ARHGAP15: variants seen among roughly 807,000 people sequenced by gnomAD.
The protein encoded by ARHGAP15 is rho GTPase-activating protein 15.
A neutral mutation model predicts 63.7 loss-of-function variants in ARHGAP15; 51 were observed. The observed-to-expected ratio is 0.80, with a 90% CI of 0.64 to 1.01. The LOEUF is 1.01. ARHGAP15 is among the 50% of genes least tolerant of loss of function. The pLI is 0.00. For synonymous variants in ARHGAP15, 191 were observed against 193.8 expected, an observed-to-expected ratio of 0.99 and a Z score of 0.12; for missense variants, 560 against 564.6, an observed-to-expected ratio of 0.99 and a Z score of 0.08.
At chr2:143,145,778 A>T (rs1306140213) in intron 1 of ARHGAP15, among the ~76,000 whole-genome samples, 1 of 151,710 alleles carries the variant, frequency 6.6e-6, no homozygotes, top group African/African-American at 2.4e-5. Context: ...TTCAGATGAA[A>T]AGCCAGTTCC....
intron 8 of ARHGAP15, among the ~76,000 whole-genome samples, chr2:143,442,126 T>G (rs909520150): frequency 6.6e-6 from 1 of 152,190 alleles, no homozygotes; most frequent in Non-Finnish European, 1.5e-5. Context: ...TGCCAAGTGA[T>G]GAAAACAAGT....
intron 6 of ARHGAP15, among the ~76,000 whole-genome samples, chr2:143,268,393 C>T (rs1681102821): frequency 1.3e-5 from 2 of 152,052 alleles, no homozygotes; most frequent in South Asian, 4.2e-4. Flanking sequence ...TTCTGTCAAA[C>T]AATTAAACTG....
chr2:143,338,139 T>C (rs1684890682), intron 6 of ARHGAP15, among the ~76,000 whole-genome samples: 1 of 152,190 alleles, frequency 6.6e-6, no homozygotes, highest in African/African-American at 2.4e-5. Context: ...TTATTATTCT[T>C]TGAGAGCCTT....
intron 9 of ARHGAP15, among the ~76,000 whole-genome samples, chr2:143,491,255 T>C (rs547919983): frequency 6.6e-5 from 10 of 152,330 alleles, no homozygotes; most frequent in Admixed American, 6.5e-4. Context: ...TTTATAAATC[T>C]CCTTGGCCTG....
intron 6 of ARHGAP15, among the ~76,000 whole-genome samples, chr2:143,335,997 AT>A (rs1443993615): frequency 2.0e-5 from 3 of 150,728 alleles, no homozygotes; most frequent in Non-Finnish European, 4.4e-5. Flanking sequence ...TATTATTATT[AT>A]TTTGTAGTTT....
intron 13 of ARHGAP15, among the ~76,000 whole-genome samples, chr2:143,734,185 C>T (rs1371503160): frequency 1.3e-5 from 2 of 152,156 alleles, no homozygotes; most frequent in Non-Finnish European, 2.9e-5. Flanking sequence ...CCAGGGGCAG[C>T]AGCAAAGGGT....
chr2:143,197,599 A>C (rs1691932699), intron 2 of ARHGAP15, among the ~76,000 whole-genome samples: 1 of 152,016 alleles, frequency 6.6e-6, no homozygotes, highest in African/African-American at 2.4e-5. Context: ...TGGATCCAGA[A>C]TTTCCTAAGT....
chr2:143,598,652 T>C (rs1216284653), intron 11 of ARHGAP15, among the ~76,000 whole-genome samples: 1 of 152,114 alleles, frequency 6.6e-6, no homozygotes, highest in Non-Finnish European at 1.5e-5. Context: ...ACACCTGTAA[T>C]AGCAGCATTT....
chr2:143,143,445 T>C (rs1689452486), intron 1 of ARHGAP15, among the ~76,000 whole-genome samples: 1 of 152,004 alleles, frequency 6.6e-6, no homozygotes. Context: ...CTGGCAAATA[T>C]TTTTTCACTA....
rs574754837 is a variant in ARHGAP15 at position 143,294,842 on chromosome 2, A to G, written c.474+44242A>G. On this transcript the variant is annotated intron_variant, in intron 6 of 13. Coordinates refer to ENST00000295095, the MANE Select transcript of ARHGAP15 (RefSeq NM_018460.4). ...CCAGCCAGTGGGACTCTTTCTGCAAACAGGTGACCTCTACTTGGAGAGAAA... is the reference window on the plus strand; with the variant it reads ...CCAGCCAGTGGGACTCTTTCTGCAAGCAGGTGACCTCTACTTGGAGAGAAA... Among the ~76,000 whole-genome samples the G allele has an allele frequency of 1.3e-3, 192 of 152,194 alleles. 1 individual carries two copies. Among genetic ancestry groups the G allele is most frequent in the Non-Finnish European group, 1.8e-3 (119 of 67,972 alleles).
Position 143,338,588 on chromosome 2 carries a change from A to G in ARHGAP15, c.474+87988A>G, listed in dbSNP as rs909337369. Among the ~76,000 whole-genome samples, 12 of 152,308 alleles carry G rather than the reference A, an allele frequency of 7.9e-5. 1 individual carries two copies. The South Asian group carries it at 2.5e-3, about 32-fold the overall frequency. On this transcript the variant is annotated intron_variant, in intron 6 of 13. Coordinates refer to ENST00000295095, the MANE Select transcript of ARHGAP15 (RefSeq NM_018460.4). The stretch of plus-strand genomic sequence containing the variant: ...GAAGGCATTGTACAGCTAATTTAGT[A>G]TCAAATTGTTAAATAATAAGAGTAG...
chr2:143,766,189 C>T (rs1686941107), intron 13 of ARHGAP15, among the ~76,000 whole-genome samples: 1 of 152,100 alleles, frequency 6.6e-6, no homozygotes, highest in African/African-American at 2.4e-5. Flanking sequence ...TTTCACTTTC[C>T]ACGGTTTCAG....
chr2:143,237,533 A>G (rs1693702733), intron 5 of ARHGAP15: 1 of 152,226 alleles, frequency 6.6e-6, no homozygotes, highest in East Asian at 1.9e-4. Flanking sequence ...GTGTGTCACC[A>G]TCTCAGTGAG....
At chr2:143,267,667 ACAT>A (rs997132111) in intron 6 of ARHGAP15, among the ~76,000 whole-genome samples, 3 of 152,188 alleles carry the variant, frequency 2.0e-5, no homozygotes, top group Admixed American at 6.5e-5. Context: ...TGTATGTTAT[ACAT>A]CATCAAATGA....
At chr2:143,234,493 C>A (rs1376626603) in intron 5 of ARHGAP15, among the ~76,000 whole-genome samples, 1 of 152,168 alleles carries the variant, frequency 6.6e-6, no homozygotes, top group Non-Finnish European at 1.5e-5. Flanking sequence ...AGGTTTGGGA[C>A]ATTCCCAGAG....
intron 11 of ARHGAP15, among the ~76,000 whole-genome samples, chr2:143,582,715 A>G (rs1696959042): frequency 6.6e-6 from 1 of 152,230 alleles, no homozygotes; most frequent in Non-Finnish European, 1.5e-5. Context: ...AAGCATTTCT[A>G]GATGAATTGT....
At chr2:143,382,347 C>T (rs1687095223) in intron 6 of ARHGAP15, among the ~76,000 whole-genome samples, 1 of 152,108 alleles carries the variant, frequency 6.6e-6, no homozygotes, top group Non-Finnish European at 1.5e-5. Context: ...TCATGCCTTG[C>T]CTCTCTGGTT....
intron 13 of ARHGAP15, among the ~76,000 whole-genome samples, chr2:143,715,985 A>T (rs1684791955): frequency 6.6e-6 from 1 of 152,086 alleles, no homozygotes; most frequent in Non-Finnish European, 1.5e-5. Flanking sequence ...TTCAACACAC[A>T]TTGGGGCCTG....
chr2:143,317,224 AT>A (rs960955344), intron 6 of ARHGAP15, among the ~76,000 whole-genome samples: 17 of 152,208 alleles, frequency 1.1e-4, no homozygotes, highest in Non-Finnish European at 2.5e-4. Flanking sequence ...AGAGTACCAG[AT>A]AAAAACAGGA....
Sources: allele counts gnomAD v4.1 joint callset (sites outside exome capture counted in the v4.1 genomes callset), GRCh38; gene constraint gnomAD v4.1.1; transcripts MANE v1.5; gene names NCBI Gene and HGNC (gene_info 2026-07-23, HGNC 2026-07-21).